The following ROBO2 variants were observed in gnomAD, a reference collection of about 807,000 sequenced individuals.
ROBO2 encodes the protein roundabout guidance receptor 2, also known as roundabout homolog 2.
In ROBO2, 53 loss-of-function variants were observed where a neutral mutation model predicts 160.8. The observed-to-expected ratio is 0.33, with a 90% CI of 0.26 to 0.41. The LOEUF (loss-of-function observed/expected upper bound fraction) is 0.41. Ranked by LOEUF, ROBO2 falls within the 10% of genes least tolerant of loss-of-function variation. The pLI is 1.00. For synonymous variants in ROBO2, 664 were observed against 611.7 expected (o/e 1.09, Z -1.26); for missense variants, 1,577 against 1,722.4 (o/e 0.92, Z 1.49).
intron 2 of ROBO2, among the ~76,000 whole-genome samples, chr3:77,473,599 A>G (rs1024716130): frequency 1.3e-5 from 2 of 149,580 alleles, no homozygotes; most frequent in Admixed American, 6.6e-5. Flanking sequence ...GACTACAGGC[A>G]CCCGCCACTG....
At chr3:76,753,611 A>G (rs1665434750) in intron 2 of ROBO2, among the ~76,000 whole-genome samples, 1 of 151,932 alleles carries the variant, frequency 6.6e-6, no homozygotes, top group Non-Finnish European at 1.5e-5. Flanking sequence ...AGATTTAAGT[A>G]TTTGATACTT....
At chr3:77,030,242 C>G (rs1479453752) in intron 2 of ROBO2, among the ~76,000 whole-genome samples, 3 of 152,142 alleles carry the variant, frequency 2.0e-5, no homozygotes, top group Non-Finnish European at 4.4e-5. Flanking sequence ...CCGCGCCTGG[C>G]AAAAGTACCA....
At chr3:76,972,435 GA>G (rs1207086070) in intron 2 of ROBO2, among the ~76,000 whole-genome samples, 1 of 151,994 alleles carries the variant, frequency 6.6e-6, no homozygotes, top group African/African-American at 2.4e-5. Flanking sequence ...TGAATGCAGA[GA>G]AAGGCGTTGA....
chr3:76,706,368 T>C (rs1560414474), intron 2 of ROBO2, among the ~76,000 whole-genome samples: 2 of 152,106 alleles, frequency 1.3e-5, no homozygotes, highest in Non-Finnish European at 2.9e-5. Flanking sequence ...ATCCGGAAGG[T>C]ACAGGCTTCC....
At chr3:77,066,701 T>C (rs1187408853) in intron 1 of ROBO2, among the ~76,000 whole-genome samples, 2 of 152,112 alleles carry the variant, frequency 1.3e-5, no homozygotes, top group African/African-American at 2.4e-5. Context: ...TGATTGCTTT[T>C]ATTTTTGGTT....
intron 2 of ROBO2, among the ~76,000 whole-genome samples, chr3:76,427,999 C>A (rs528791977): frequency 1.3e-5 from 2 of 151,966 alleles, no homozygotes; most frequent in South Asian, 2.1e-4. Flanking sequence ...CAGGGGAATG[C>A]GTGAGCAATA....
At chr3:77,622,531 T>C in intron 23 of ROBO2, 99 bp downstream of exon 24, 1 of 969,436 alleles carries the variant, frequency 1.0e-6, no homozygotes, top group Non-Finnish European at 1.6e-6. Flanking sequence ...TTCCACTCCA[T>C]CTATTTCTGT....
At chr3:77,251,462 C>T (rs980033567) in intron 2 of ROBO2, among the ~76,000 whole-genome samples, 3 of 152,124 alleles carry the variant, frequency 2.0e-5, no homozygotes, top group African/African-American at 4.8e-5. Context: ...TTGCTCTCAA[C>T]GCCCTAGCTT....
Position 77,339,484 on chromosome 3 carries a change from A to G in ROBO2, c.389-137930A>G, listed in dbSNP as rs1388411354. Among the ~76,000 whole-genome samples the G allele has an allele frequency of 3.3e-5, 5 of 152,224 alleles. No individual in the cohort carries two copies. In the East Asian group the frequency reaches 7.7e-4, roughly 24 times the overall value. ...TTGAAATACTGTTGATGTGCTGAAC[A>G]GGAAATTTCGATGCAACTTGCATCT... On this transcript the variant is annotated intron_variant, in intron 2 of 25. Coordinates refer to ENST00000461745, the Ensembl canonical transcript of ROBO2.
At chr3:75,924,681 C>CTTTTTTTTTTTTTTT (rs60599175) in intron 1 of ROBO2, among the ~76,000 whole-genome samples, 8 of 66,018 alleles carry the variant, frequency 1.2e-4, no homozygotes, top group African/African-American at 3.4e-4. Context: ...ATTTTCTTTT[C>CTTTTTTTTTTTTTTT]TTTTTTTTTT....
intron 2 of ROBO2, among the ~76,000 whole-genome samples, chr3:76,122,386 A>C (rs966799401): frequency 7.9e-5 from 12 of 152,098 alleles, no homozygotes; most frequent in African/African-American, 2.9e-4. Flanking sequence ...ATTTTTCTTG[A>C]TATTTTTCAG....
chr3:76,543,602 C>T (rs2082932150), intron 2 of ROBO2, among the ~76,000 whole-genome samples: 1 of 152,074 alleles, frequency 6.6e-6, no homozygotes, highest in Non-Finnish European at 1.5e-5. Flanking sequence ...ATAACTGCGG[C>T]AAATTATTTC....
intron 2 of ROBO2, among the ~76,000 whole-genome samples, chr3:77,143,180 T>C (rs999217630): frequency 5.4e-5 from 6 of 111,376 alleles, no homozygotes; most frequent in Non-Finnish European, 9.2e-5. Flanking sequence ...GCAGCTTTTT[T>C]TTTTTTTTTT....
In ROBO2 at chr3:77,561,638, C is replaced by A. The variant is rs543481218; in HGVS notation, c.1438-1013C>A. On this transcript the variant is annotated intron_variant, in intron 9 of 25. Transcript: ENST00000461745. Reference sequence around the variant, plus strand: ...TGAAATGGCAAGTTTTTATTGTGATCAAAAAAGAGTTATGAATTATGATAT... The same window carrying A: ...TGAAATGGCAAGTTTTTATTGTGATAAAAAAAGAGTTATGAATTATGATAT... 1.2e-4 allele frequency among the ~76,000 whole-genome samples: 18 copies of A among 151,912 alleles called. 1 individual carries two copies. Among genetic ancestry groups the A allele is most frequent in the African/African-American group, 4.1e-4 (17 of 41,476 alleles).
chr3:77,585,977 G>T (rs2094036817), intron 16 of ROBO2, among the ~76,000 whole-genome samples: 1 of 152,040 alleles, frequency 6.6e-6, no homozygotes, highest in Admixed American at 6.6e-5. Context: ...GAGAATTTTA[G>T]ATTTGTACTA....
intron 2 of ROBO2, among the ~76,000 whole-genome samples, chr3:76,666,089 A>G (rs1050734094): frequency 6.7e-6 from 1 of 148,280 alleles, no homozygotes; most frequent in Non-Finnish European, 1.5e-5. Flanking sequence ...CAAACTCTCC[A>G]TTTTGTTTCC....
At chr3:77,036,225 T>G (rs2149582760), upstream of ROBO2, among the ~76,000 whole-genome samples, 1 of 152,048 alleles carries the variant, frequency 6.6e-6, no homozygotes, top group Non-Finnish European at 1.5e-5. Context: ...CATAAGCCTC[T>G]TATAGGAATT....
intron 2 of ROBO2, among the ~76,000 whole-genome samples, chr3:76,023,321 T>C (rs1376992984): frequency 2.0e-5 from 3 of 151,750 alleles, no homozygotes; most frequent in Admixed American, 6.6e-5. Context: ...AGACCTAGCT[T>C]TTAGCCTCTC....
intron 2 of ROBO2, among the ~76,000 whole-genome samples, chr3:76,755,676 A>G (rs1003489656): frequency 5.3e-5 from 8 of 152,026 alleles, no homozygotes; most frequent in African/African-American, 1.9e-4. Context: ...TCAGTTTTGT[A>G]CATAAAGCAT....
Sources: gnomAD v4.1 joint callset for allele counts (sites outside exome capture counted in the v4.1 genomes callset) on GRCh38, gnomAD v4.1.1 for gene constraint, MANE v1.5 for transcripts, NCBI Gene and HGNC (gene_info 2026-07-23, HGNC 2026-07-21) for gene names.